Variants in FBXL18 observed in about 807,000 individuals in gnomAD.
The protein encoded by FBXL18 is F-box/LRR-repeat protein 18.
Under a neutral mutation model 46.0 loss-of-function variants are expected in FBXL18, and 36 were observed. The observed-to-expected ratio is 0.78, with a 90% CI of 0.60 to 1.03. The LOEUF is 1.03. FBXL18 is among the 50% of genes least tolerant of loss of function. FBXL18 has a pLI of 0.00. For synonymous variants in FBXL18, 557 were observed against 465.3 expected, an observed-to-expected ratio of 1.20 and a Z score of -2.54; for missense variants, 977 against 1,004.1, an observed-to-expected ratio of 0.97 and a Z score of 0.36.
downstream of FBXL18, among the ~76,000 whole-genome samples, chr7:5,471,420 GCGCC>G (rs756201166): frequency 4.6e-5 from 7 of 152,182 alleles, no homozygotes; most frequent in Non-Finnish European, 4.4e-5. Context: ...GGGACTACAG[GCGCC>G]CGCCACCACA....
intron 2 of FBXL18, 125 bp from the exon 3 acceptor site, chr7:5,502,156 C>G (rs1252003037): frequency 1.4e-6 from 1 of 704,608 alleles, no homozygotes; most frequent in Non-Finnish European, 2.3e-6. Context: ...CTCCCCACCT[C>G]TCGCTGCCTA....
At chr7:5,508,663 C>T (rs1390767777) in intron 1 of FBXL18, among the ~76,000 whole-genome samples, 2 of 151,934 alleles carry the variant, frequency 1.3e-5, no homozygotes, top group African/African-American at 4.8e-5. Flanking sequence ...CCACCCCAGA[C>T]TTGTGGGGCC....
rs1176348906 is a variant in FBXL18, at chr7:5,501,691, C to A, written c.578G>T (p.Ser193Ile). ...GAAGTAGAGCAGCAGCTTCTCTAGG[C>A]TGGTGCAGCAGGGCACCACGCCGTA... ...PSYGVVPCCT[S>I]LEKLLLYFEI... is the part of the protein sequence containing the mutation. The change falls in exon 3 of 5, where the codon AGC becomes ATC. Residue 193 changes from serine (S) to isoleucine (I), a missense_variant. Coordinates refer to ENST00000382368, the MANE Select transcript of FBXL18 (RefSeq NM_024963.6). 2.5e-6 allele frequency: 4 copies of A among 1,603,894 alleles called. No individual in the cohort carries two copies. The highest frequency in any genetic ancestry group is 2.6e-6 in the Non-Finnish European group (3 of 1,174,876).
intron 4 of FBXL18, among the ~76,000 whole-genome samples, chr7:5,461,618 G>A (rs1391552728): frequency 1.3e-5 from 2 of 152,042 alleles, no homozygotes; most frequent in African/African-American, 2.4e-5. Flanking sequence ...ACTCTGGCCT[G>A]GGCAACAGAG....
At chr7:5,502,082 T>C in intron 2 of FBXL18, 51 bp from the exon 3 acceptor site, 1 of 1,362,544 alleles carries the variant, frequency 7.3e-7, no homozygotes, top group Non-Finnish European at 1.0e-6. Flanking sequence ...TGAAGGCACC[T>C]ACGGGTCTCC....
intron 2 of FBXL18, among the ~76,000 whole-genome samples, chr7:5,502,833 GAAA>G (rs55824263): frequency 7.4e-6 from 1 of 134,826 alleles, no homozygotes; most frequent in Non-Finnish European, 1.6e-5. Context: ...TCTCAAAAAA[GAAA>G]AAAAAAAAAA....
In FBXL18 at chr7:5,489,915, A is replaced by AG. The variant is rs561793530; in HGVS notation, c.2000+1315dup. ...AGCTGAGATCCCGCCACTGCACTCC[A>AG]GCCTGGACGACAGAGTGAGACTCTG... On this transcript the variant is annotated intron_variant, in intron 4 of 4. Coordinates refer to ENST00000382368, the MANE Select transcript of FBXL18 (RefSeq NM_024963.6). The AG allele has an allele frequency of 9.8e-4, 1,128 of 1,154,096 alleles. 12 individuals carry two copies. The African/African-American group carries it at 0.015, about 16-fold the overall frequency. The allele number at this position is 1,154,096 out of a possible 1,614,324, so 71.5% of individuals were successfully genotyped here.
intron 1 of FBXL18, among the ~76,000 whole-genome samples, chr7:5,513,443 G>A (rs2128239855): frequency 1.3e-5 from 2 of 152,272 alleles, no homozygotes; most frequent in Middle Eastern, 3.4e-3. Flanking sequence ...CGAAGGGGGA[G>A]ACAGCTTGTG....
In FBXL18 at chr7:5,463,702, ATATT is replaced by A. The variant is rs1349633532; in HGVS notation, c.2001-15863_2001-15860del. ...TGCTTCATGCCCCTGAACTATATATATATTTATTTATTTATTTATTTATTTATTT... is the reference window on the plus strand; with the variant it reads ...TGCTTCATGCCCCTGAACTATATATATATTTATTTATTTATTTATTTATTT... On this transcript the variant is annotated intron_variant and NMD_transcript_variant, in intron 4 of 6. Transcript: ENST00000415009. Among the ~76,000 whole-genome samples the A allele has an allele frequency of 4.1e-3, 280 of 68,870 alleles. 4 individuals are homozygous for A. The highest frequency in any genetic ancestry group is 8.7e-3 in the South Asian group (17 of 1,948). The allele number at this position is 68,870 out of a possible 152,430, so 45.2% of individuals were successfully genotyped here.
At position 5,461,671 on chromosome 7, in the gene FBXL18, T is replaced by G. The variant is rs188456598; in HGVS notation, c.2001-13828A>C. ...AAGAAACAAAATTGGCCAGGCGCAG[T>G]GGCTCATGCCTGTAATCCCAGCACT... On this transcript the variant is annotated intron_variant and NMD_transcript_variant, in intron 4 of 6. Coordinates refer to the FBXL18 transcript ENST00000415009. 2.7e-3 allele frequency among the ~76,000 whole-genome samples: 407 copies of G among 152,234 alleles called. 1 individual carries two copies. The highest frequency in any genetic ancestry group is 9.3e-3 in the African/African-American group (385 of 41,552).
Position 5,502,435 on chromosome 7 carries a change from G to A in FBXL18, c.238-404C>T, listed in dbSNP as rs544631843. ...CTTTTATCCCAGCTACTCCAGAGGC[G>A]AAGGCAGAAGAATCGCTTGAACCTG... On this transcript the variant is annotated intron_variant, in intron 2 of 4. Transcript: ENST00000382368. Among the ~76,000 whole-genome samples, 14 of 152,142 alleles carry A rather than the reference G, an allele frequency of 9.2e-5. No homozygotes were observed. In the South Asian group the frequency reaches 1.5e-3, roughly 16 times the overall value.
intron 4 of FBXL18, among the ~76,000 whole-genome samples, chr7:5,463,705 T>TG (rs371252071): frequency 1.4e-5 from 1 of 70,962 alleles, no homozygotes; most frequent in African/African-American, 6.2e-5. Context: ...TATATATATA[T>TG]TTATTTATTT....
At chr7:5,461,548 T>C (rs766926001) in intron 4 of FBXL18, among the ~76,000 whole-genome samples, 15 of 151,980 alleles carry the variant, frequency 9.9e-5, no homozygotes, top group Non-Finnish European at 2.1e-4. Flanking sequence ...GAGGCTGAAG[T>C]GGGAGGATTG....
At position 5,505,472 on chromosome 7, in the gene FBXL18, A is replaced by G. The variant is rs1784370861; in HGVS notation, c.177T>C (p.Leu59=). 1 of 1,614,074 alleles carries G rather than the reference A, an allele frequency of 6.2e-7. No homozygotes were observed. Residue 59 remains leucine (L), a synonymous_variant, in exon 2 of 5, where the codon CTT becomes CTC. Transcript: ENST00000382368. Reference sequence around the variant, plus strand: ...GGCTCTTGTCAAGGCACAGGGCTGCAAGCTTCCGACAGGTACGCCGGACGT... The same window carrying G: ...GGCTCTTGTCAAGGCACAGGGCTGCGAGCTTCCGACAGGTACGCCGGACGT... ...ILNVRRTCRK[L]AALCLDKSLI... is the part of the protein sequence containing the mutation.
intron 1 of FBXL18, among the ~76,000 whole-genome samples, chr7:5,513,420 A>T: frequency 6.6e-6 from 1 of 152,130 alleles, no homozygotes; most frequent in Non-Finnish European, 1.5e-5. Flanking sequence ...TCTGGCGATC[A>T]GGAATGCACG....
chr7:5,484,023 TC>T (rs1783712165), intron 4 of FBXL18, among the ~76,000 whole-genome samples: 1 of 152,082 alleles, frequency 6.6e-6, no homozygotes, highest in Non-Finnish European at 1.5e-5. Context: ...CACACCTCTT[TC>T]CACACAGTAA....
At chr7:5,485,914 C>A (rs988847867) in intron 4 of FBXL18, among the ~76,000 whole-genome samples, 5 of 152,028 alleles carry the variant, frequency 3.3e-5, no homozygotes, top group African/African-American at 1.2e-4. Context: ...AAAAAATTAG[C>A]CGGGCGTGGT....
intron 1 of FBXL18, among the ~76,000 whole-genome samples, chr7:5,509,692 ATTCCATCT>A (rs1487303063): frequency 1.5e-5 from 2 of 136,636 alleles, no homozygotes; most frequent in African/African-American, 6.1e-5. Context: ...ACAGAGTGAG[ATTCCATCT>A]CAAAAAAAAA....
chr7:5,462,220 T>G (rs149765679), intron 4 of FBXL18, among the ~76,000 whole-genome samples: 20 of 152,030 alleles, frequency 1.3e-4, no homozygotes, highest in African/African-American at 4.8e-4. Context: ...AGAGTGAGAC[T>G]CTGTCTCCAA....
Sources: allele counts gnomAD v4.1 joint callset (sites outside exome capture counted in the v4.1 genomes callset), GRCh38; gene constraint gnomAD v4.1.1; transcripts MANE v1.5; gene names NCBI Gene and HGNC (gene_info 2026-07-23, HGNC 2026-07-21).